Variants in RNLS observed in about 807,000 individuals in gnomAD.
The protein encoded by RNLS is renalase, FAD dependent amine oxidase, also known as renalase.
RNLS carries 39 observed loss-of-function variants against 39.8 expected under a neutral mutation model. That is an observed-to-expected ratio of 0.98 (90% CI 0.76 to 1.28). The LOEUF is 1.28. Among genes scored for constraint, RNLS ranks in the 50% most tolerant of loss-of-function variants. The pLI is 0.00. For missense variants in RNLS, 410 were observed against 413.3 expected (o/e 0.99, Z 0.07); for synonymous variants, 147 against 150.7 (o/e 0.98, Z 0.18).
intron 4 of RNLS, among the ~76,000 whole-genome samples, chr10:88,558,055 C>T (rs1403834681): frequency 6.6e-6 from 1 of 152,062 alleles, no homozygotes; most frequent in Non-Finnish European, 1.5e-5. Context: ...ACCTGGTGGC[C>T]TAGTTTAAAA....
chr10:88,582,109 T>A, intron 2 of RNLS, 93 bp downstream of exon 2: 1 of 975,058 alleles, frequency 1.0e-6, no homozygotes. Context: ...GAGCCCTTAC[T>A]ATGTTCCATT....
intron 3 of RNLS, among the ~76,000 whole-genome samples, chr10:88,576,268 T>C (rs1295340287): frequency 6.6e-6 from 1 of 152,214 alleles, no homozygotes; most frequent in Admixed American, 6.5e-5. Flanking sequence ...CAGGATCATG[T>C]CTCTTATTGA....
At chr10:88,548,116 G>C (rs1158895150) in intron 4 of RNLS, among the ~76,000 whole-genome samples, 2 of 151,206 alleles carry the variant, frequency 1.3e-5, no homozygotes, top group African/African-American at 2.4e-5. Flanking sequence ...CAAAAAATTA[G>C]CTGGGCATGG....
chr10:88,196,130 T>C, the RNLS span, among the ~76,000 whole-genome samples: 18 of 151,544 alleles, frequency 1.2e-4, no homozygotes, highest in Non-Finnish European at 2.9e-5. Context: ...GGTTGAAATT[T>C]GAGACTTGAG....
chr10:88,482,441 G>A (rs1293331107), intron 4 of RNLS, among the ~76,000 whole-genome samples: 1 of 152,058 alleles, frequency 6.6e-6, no homozygotes, highest in Non-Finnish European at 1.5e-5. Context: ...AGAGACTCTA[G>A]TGACTTTTTC....
At chr10:88,502,866 A>G (rs1179710846) in intron 4 of RNLS, among the ~76,000 whole-genome samples, 5 of 152,242 alleles carry the variant, frequency 3.3e-5, no homozygotes, top group African/African-American at 1.2e-4. Context: ...ATCACAATAA[A>G]TCTTTAAAAA....
intron 4 of RNLS, among the ~76,000 whole-genome samples, chr10:88,381,485 TTA>T (rs146702583): frequency 0.11 from 15,935 of 151,440 alleles, 1,030 homozygotes; most frequent in East Asian, 0.36. Flanking sequence ...GTATGTGTAT[TTA>T]TATATATATA....
At chr10:88,551,460 A>T (rs1848596087) in intron 4 of RNLS, among the ~76,000 whole-genome samples, 1 of 152,212 alleles carries the variant, frequency 6.6e-6, no homozygotes, top group Non-Finnish European at 1.5e-5. Flanking sequence ...TAATAGTCAC[A>T]CTTATTTATG....
At chr10:88,372,042 A>T (rs984338949) in intron 4 of RNLS, among the ~76,000 whole-genome samples, 1 of 152,150 alleles carries the variant, frequency 6.6e-6, no homozygotes, top group Non-Finnish European at 1.5e-5. Flanking sequence ...ATACAATAAT[A>T]CTTAATAGAT....
chr10:88,365,615 A>G (rs753489213), intron 4 of RNLS, among the ~76,000 whole-genome samples: 2 of 151,764 alleles, frequency 1.3e-5, no homozygotes, highest in African/African-American at 2.4e-5. Context: ...CATACATAAT[A>G]TAAAATATAT....
intron 6 of RNLS, among the ~76,000 whole-genome samples, chr10:88,309,188 C>G (rs147781343): frequency 0.011 from 1,612 of 152,074 alleles, 13 homozygotes; most frequent in Non-Finnish European, 0.018. Flanking sequence ...AGGCTTAATA[C>G]CCGGGTGATA....
intron 4 of RNLS, among the ~76,000 whole-genome samples, chr10:88,387,502 C>CAAAAAAAAAA (rs5786817): frequency 2.9e-5 from 2 of 70,112 alleles, no homozygotes; most frequent in Non-Finnish European, 5.1e-5. Context: ...GAGAACAGAG[C>CAAAAAAAAAA]AAAAAAAAAA....
At chr10:88,496,965 A>C (rs1381637707) in intron 4 of RNLS, among the ~76,000 whole-genome samples, 1 of 152,078 alleles carries the variant, frequency 6.6e-6, no homozygotes, top group Non-Finnish European at 1.5e-5. Flanking sequence ...GAGAACCTCT[A>C]ATTGAATATA....
chr10:88,253,120 G>A, the RNLS span, among the ~76,000 whole-genome samples: 3 of 152,180 alleles, frequency 2.0e-5, no homozygotes, highest in Admixed American at 2.0e-4. Context: ...GTGAACTTGA[G>A]CAATTTCAAA....
chr10:88,235,814 TG>T, the RNLS span, among the ~76,000 whole-genome samples: 10 of 152,020 alleles, frequency 6.6e-5, no homozygotes, highest in Middle Eastern at 3.2e-3. Context: ...GGTTTTTTGT[TG>T]TTATTGCTGT....
chr10:88,302,385 C>T (rs1320313810), intron 6 of RNLS, among the ~76,000 whole-genome samples: 2 of 152,154 alleles, frequency 1.3e-5, no homozygotes, highest in African/African-American at 4.8e-5. Context: ...TTTCAAAGTA[C>T]TTATCTTAGA....
intron 5 of RNLS, among the ~76,000 whole-genome samples, chr10:88,327,174 A>T (rs73360775): frequency 0.016 from 2,481 of 152,260 alleles, 83 homozygotes; most frequent in African/African-American, 0.057. Context: ...TGAGTTAGTT[A>T]GGACTTTGGC....
chr10:88,334,451 C>A (rs1398005276), intron 5 of RNLS, among the ~76,000 whole-genome samples: 1 of 152,140 alleles, frequency 6.6e-6, no homozygotes, highest in East Asian at 1.9e-4. Context: ...GTTTGGCACA[C>A]AATAAGTGCT....
chr10:88,206,230 G>A, the RNLS span, among the ~76,000 whole-genome samples: 1 of 152,322 alleles, frequency 6.6e-6, no homozygotes, highest in South Asian at 2.1e-4. Context: ...ATGGCACTCT[G>A]CATTTTAGTG....
Sources: gnomAD v4.1 joint callset for allele counts (sites outside exome capture counted in the v4.1 genomes callset) on GRCh38, gnomAD v4.1.1 for gene constraint, MANE v1.5 for transcripts, NCBI Gene and HGNC (gene_info 2026-07-23, HGNC 2026-07-21) for gene names.